Variants in PPM1H observed in about 807,000 individuals in gnomAD.
PPM1H encodes the protein protein phosphatase, Mg2+/Mn2+ dependent 1H, also known as protein phosphatase 1H.
In PPM1H, 27 loss-of-function variants were observed where a neutral mutation model predicts 54.9. The observed-to-expected ratio is 0.49, with a 90% CI of 0.36 to 0.68. The LOEUF is 0.68. PPM1H is among the 30% of genes least tolerant of loss of function. PPM1H has a pLI of 0.00. For missense variants in PPM1H, 596 were observed against 667.8 expected (o/e 0.89, Z 1.19); for synonymous variants, 305 against 270.8 (o/e 1.13, Z -1.24).
At chr12:62,716,045 C>G (rs2076232895) in intron 6 of PPM1H, among the ~76,000 whole-genome samples, 1 of 152,048 alleles carries the variant, frequency 6.6e-6, no homozygotes, top group Non-Finnish European at 1.5e-5. Flanking sequence ...AGAAAGAACC[C>G]CAACAAAAAG....
At chr12:62,916,746 G>T (rs1207120856) in intron 1 of PPM1H, among the ~76,000 whole-genome samples, 2 of 152,102 alleles carry the variant, frequency 1.3e-5, no homozygotes, top group East Asian at 3.9e-4. Context: ...TGGAGTTACT[G>T]AAAAGTAATA....
At position 62,668,892 on chromosome 12, in the gene PPM1H, T is replaced by C. The variant is rs141404302; in HGVS notation, c.1246-1563A>G. 2.8e-4 allele frequency among the ~76,000 whole-genome samples: 42 copies of C among 152,338 alleles called. No individual in the cohort carries two copies. In the East Asian group the frequency reaches 8.1e-3, roughly 29 times the overall value. On this transcript the variant is annotated intron_variant, in intron 8 of 9. Transcript: ENST00000228705. ...ATGCCCTGGCATGGGGCTGGTCCTG[T>C]GGGCTGACAGTCTATTCCCAGCAGC...
At chr12:62,838,863 G>C (rs1212705894) in intron 1 of PPM1H, among the ~76,000 whole-genome samples, 1 of 90,266 alleles carries the variant, frequency 1.1e-5, no homozygotes, top group Non-Finnish European at 2.1e-5. Flanking sequence ...GGAGCTTGCA[G>C]TGAGCCGAGA....
intron 1 of PPM1H, among the ~76,000 whole-genome samples, chr12:62,912,326 G>A (rs1405900383): frequency 1.3e-5 from 2 of 152,136 alleles, no homozygotes; most frequent in Admixed American, 6.5e-5. Context: ...AAAACTTGCG[G>A]GCTACATTAT....
intron 3 of PPM1H, among the ~76,000 whole-genome samples, chr12:62,792,120 A>G (rs2076704560): frequency 6.6e-6 from 1 of 152,256 alleles, no homozygotes; most frequent in Admixed American, 6.5e-5. Context: ...AGTTCGGGCT[A>G]CACCACAGGT....
intron 1 of PPM1H, among the ~76,000 whole-genome samples, chr12:62,852,978 A>G (rs1869251248): frequency 6.6e-6 from 1 of 152,256 alleles, no homozygotes; most frequent in South Asian, 2.1e-4. Flanking sequence ...CAAGGAAACA[A>G]CTAGAAAAAA....
At chr12:62,839,874 C>CAAA (rs746381032) in intron 1 of PPM1H, among the ~76,000 whole-genome samples, 14 of 84,236 alleles carry the variant, frequency 1.7e-4, no homozygotes, top group African/African-American at 4.9e-4. Flanking sequence ...CCTGTTTCTA[C>CAAA]AAAAAAAAAA....
At chr12:62,663,913 C>A (rs1362334983) in intron 9 of PPM1H, among the ~76,000 whole-genome samples, 2 of 151,810 alleles carry the variant, frequency 1.3e-5, no homozygotes. Context: ...ATTGCTTGAA[C>A]CTGGCAGGCG....
At chr12:62,724,059 C>A (rs1361264113) in intron 5 of PPM1H, among the ~76,000 whole-genome samples, 1 of 152,150 alleles carries the variant, frequency 6.6e-6, no homozygotes, top group Non-Finnish European at 1.5e-5. Context: ...AAATATCACA[C>A]AGGGATGCCA....
chr12:62,791,573 A>G (rs1408002870), intron 3 of PPM1H, among the ~76,000 whole-genome samples: 1 of 152,234 alleles, frequency 6.6e-6, no homozygotes, highest in African/African-American at 2.4e-5. Context: ...TTTCACTGTC[A>G]GAATCAATAT....
At chr12:62,859,172 A>G (rs1869506253) in intron 1 of PPM1H, among the ~76,000 whole-genome samples, 1 of 152,212 alleles carries the variant, frequency 6.6e-6, no homozygotes, top group Non-Finnish European at 1.5e-5. Context: ...GGGTAGCTTA[A>G]GGTGGCTGTA....
chr12:62,783,538 C>T (rs986692518), intron 4 of PPM1H, among the ~76,000 whole-genome samples: 3 of 152,202 alleles, frequency 2.0e-5, no homozygotes, highest in African/African-American at 7.2e-5. Flanking sequence ...GGGTGGTGTC[C>T]CTGCTCCTCC....
chr12:62,697,026 T>G (rs1411274267), intron 6 of PPM1H, among the ~76,000 whole-genome samples: 1 of 152,026 alleles, frequency 6.6e-6, no homozygotes, highest in Non-Finnish European at 1.5e-5. Flanking sequence ...TCTGTGTGAG[T>G]GGCAAAAGAA....
At chr12:62,677,660 G>C (rs1373969480) in intron 8 of PPM1H, among the ~76,000 whole-genome samples, 1 of 152,140 alleles carries the variant, frequency 6.6e-6, no homozygotes, top group Non-Finnish European at 1.5e-5. Context: ...CTCTTGGCAG[G>C]CATGGGGTCT....
chr12:62,694,002 G>A lies in PPM1H; in HGVS notation c.1074-3C>T. 6.2e-7 allele frequency: 1 copy of A among 1,611,232 alleles called. No homozygotes were observed. Among genetic ancestry groups the A allele is most frequent in the African/African-American group, 1.3e-5 (1 of 75,008 alleles). On this transcript the variant is annotated splice_region_variant and splice_polypyrimidine_tract_variant and intron_variant, in intron 6 of 9. Coordinates refer to ENST00000228705, the MANE Select transcript of PPM1H (RefSeq NM_020700.2). ...CATCCTCAATGGTTTTGTATGCCCT[G>A]TAGGGGATAAACAACATTTTAAAAA...
At chr12:62,756,095 C>G in intron 4 of PPM1H, 1 of 971,924 alleles carries the variant, frequency 1.0e-6, no homozygotes, top group Non-Finnish European at 1.6e-6. Flanking sequence ...ACAGCGACAT[C>G]CACTCTTCAA....
chr12:62,659,281 A>AAAAAAAAAAAAAAAAG, intron 9 of PPM1H: 1 of 502,554 alleles, frequency 2.0e-6, no homozygotes, highest in Non-Finnish European at 3.6e-6. Context: ...AAAAAAAAAA[A>AAAAAAAAAAAAAAAAG]AAAAAAAAAA....
intron 4 of PPM1H, among the ~76,000 whole-genome samples, chr12:62,756,543 A>C (rs1361495756): frequency 6.6e-6 from 1 of 152,134 alleles, no homozygotes; most frequent in East Asian, 1.9e-4. Flanking sequence ...TTGTATATTT[A>C]TAAATATACA....
intron 4 of PPM1H, among the ~76,000 whole-genome samples, chr12:62,783,300 C>T (rs1036996053): frequency 6.6e-6 from 1 of 152,190 alleles, no homozygotes; most frequent in African/African-American, 2.4e-5. Flanking sequence ...TCTAAGGCAG[C>T]CTTCCACTCC....
Sources: allele counts gnomAD v4.1 joint callset (sites outside exome capture counted in the v4.1 genomes callset), GRCh38; gene constraint gnomAD v4.1.1; transcripts MANE v1.5; gene names NCBI Gene and HGNC (gene_info 2026-07-23, HGNC 2026-07-21).